Variants in KCNJ6 observed in about 807,000 individuals in gnomAD.
KCNJ6 encodes the protein potassium inwardly rectifying channel subfamily J member 6.
A neutral mutation model predicts 34.2 loss-of-function variants in KCNJ6; 9 were observed. That is an observed-to-expected ratio of 0.26 (90% CI 0.16 to 0.46). The LOEUF (loss-of-function observed/expected upper bound fraction) is 0.46. KCNJ6 is among the 20% of genes least tolerant of loss of function. KCNJ6 has a pLI of 1.00. For missense variants in KCNJ6, 236 were observed against 531.3 expected, an observed-to-expected ratio of 0.44 and a Z score of 5.46; for synonymous variants, 196 against 207.1, an observed-to-expected ratio of 0.95 and a Z score of 0.46.
chr21:37,709,078 T>G (rs1359096437), intron 3 of KCNJ6, among the ~76,000 whole-genome samples: 1 of 152,236 alleles, frequency 6.6e-6, no homozygotes, highest in East Asian at 1.9e-4. Context: ...TACATGGTTG[T>G]TTAAAATTCA....
intron 1 of KCNJ6, among the ~76,000 whole-genome samples, chr21:37,903,886 G>A (rs1272041752): frequency 1.3e-5 from 2 of 152,212 alleles, no homozygotes; most frequent in African/African-American, 4.8e-5. Flanking sequence ...TCTGTCTTTA[G>A]TGCTAACAGC....
chr21:37,913,228 C>A (rs563126561), intron 1 of KCNJ6, among the ~76,000 whole-genome samples: 1 of 152,338 alleles, frequency 6.6e-6, no homozygotes, highest in East Asian at 1.9e-4. Flanking sequence ...GATGGACTTA[C>A]CTGTTTTCCC....
At chr21:37,740,259 C>T (rs1045551412) in intron 2 of KCNJ6, among the ~76,000 whole-genome samples, 1 of 152,164 alleles carries the variant, frequency 6.6e-6, no homozygotes, top group African/African-American at 2.4e-5. Context: ...GGATTGGACA[C>T]GCCTTATTAT....
rs55953891 is a variant in KCNJ6, at chr21:37,667,154, T to TAAAAAAAAAAAA, written c.947-41682_947-41671dup. ...ACACCCAAGAATGAGCAATAAATACTAAAAAAAAAAAAAAAAAAAAAAAAA... is the reference window on the plus strand; with the variant it reads ...ACACCCAAGAATGAGCAATAAATACTAAAAAAAAAAAAAAAAAAAAAAAAAAAAAAAAAAAAA... On this transcript the variant is annotated intron_variant, in intron 3 of 3. Transcript: ENST00000609713. Among the ~76,000 whole-genome samples the TAAAAAAAAAAAA allele has an allele frequency of 4.1e-3, 162 of 39,080 alleles. 4 individuals carry two copies. The highest frequency in any genetic ancestry group is 6.0e-3 in the South Asian group (4 of 662). The allele number at this position is 39,080 out of a possible 152,430, so 25.6% of individuals were successfully genotyped here.
At chr21:37,797,609 T>G (rs2055249924) in intron 2 of KCNJ6, among the ~76,000 whole-genome samples, 1 of 152,180 alleles carries the variant, frequency 6.6e-6, no homozygotes, top group African/African-American at 2.4e-5. Flanking sequence ...GTTTGCATTT[T>G]TTTTTTTCTA....
At chr21:37,763,995 A>G (rs2055078717) in intron 2 of KCNJ6, among the ~76,000 whole-genome samples, 2 of 152,138 alleles carry the variant, frequency 1.3e-5, no homozygotes. Flanking sequence ...CTCATCTCAC[A>G]TATCTACATA....
intron 2 of KCNJ6, among the ~76,000 whole-genome samples, chr21:37,748,954 C>T (rs1353999685): frequency 1.3e-5 from 2 of 152,138 alleles, no homozygotes; most frequent in South Asian, 2.1e-4. Context: ...AGGTATAGAG[C>T]TATCAACCTG....
intron 2 of KCNJ6, among the ~76,000 whole-genome samples, chr21:37,719,760 T>C (rs1253772045): frequency 6.6e-6 from 1 of 152,168 alleles, no homozygotes; most frequent in Non-Finnish European, 1.5e-5. Context: ...TGAAATTTAA[T>C]CTGAAAGAAA....
chr21:37,666,595 T>C (rs1042472190), intron 3 of KCNJ6, among the ~76,000 whole-genome samples: 2 of 152,160 alleles, frequency 1.3e-5, no homozygotes, highest in Non-Finnish European at 2.9e-5. Context: ...GCCTGGCCAC[T>C]GTGCAATCTT....
rs1348605369 is a variant in KCNJ6 at position 37,754,783 on chromosome 21, T to C, written c.26-39652A>G. Among the ~76,000 whole-genome samples the C allele has an allele frequency of 5.3e-5, 8 of 152,316 alleles. No homozygotes were observed. The South Asian group carries it at 1.4e-3, about 28-fold the overall frequency. The stretch of plus-strand genomic sequence containing the variant: ...CGGTACATTTCCTGCCTAAGATATT[T>C]GTGATGGTGGAAGAAAGGCCTGGAT... On this transcript the variant is annotated intron_variant, in intron 2 of 3. Coordinates refer to ENST00000609713, the MANE Select transcript of KCNJ6 (RefSeq NM_002240.5).
intron 2 of KCNJ6, among the ~76,000 whole-genome samples, chr21:37,834,667 G>A (rs1428818054): frequency 2.0e-5 from 3 of 152,254 alleles, no homozygotes; most frequent in African/African-American, 7.2e-5. Flanking sequence ...CTAATTTAAT[G>A]TGTGGTGATT....
At chr21:37,723,134 CAAAAG>C (rs1244632165) in intron 2 of KCNJ6, among the ~76,000 whole-genome samples, 2 of 152,134 alleles carry the variant, frequency 1.3e-5, no homozygotes, top group Non-Finnish European at 2.9e-5. Flanking sequence ...ACAGACTTCT[CAAAAG>C]AAGACATACA....
chr21:37,719,849 C>T (rs2054815179), intron 2 of KCNJ6, among the ~76,000 whole-genome samples: 1 of 152,168 alleles, frequency 6.6e-6, no homozygotes, highest in Admixed American at 6.5e-5. Flanking sequence ...ATTTCAGGTA[C>T]AGCTCTTGTT....
intron 2 of KCNJ6, among the ~76,000 whole-genome samples, chr21:37,806,306 G>A (rs1185924489): frequency 6.6e-6 from 1 of 152,198 alleles, no homozygotes; most frequent in Non-Finnish European, 1.5e-5. Context: ...AAAGAGAAAT[G>A]AGCCTCTTCG....
In KCNJ6 at chr21:37,620,756, T is replaced by C. The variant is rs933432383; in HGVS notation, c.*4403A>G. The C allele has an allele frequency of 2.0e-5, 3 of 152,232 alleles. No homozygotes were observed. The highest frequency in any genetic ancestry group is 2.9e-5 in the Non-Finnish European group (2 of 68,040). 9.4% of individuals were successfully genotyped at this position (152,232 alleles called of 1,614,324 possible). ...AATTAGAATGAAATAAGATAATTTG[T>C]ACAAGTGCTCTTAATGCTCTCAAAC... On this transcript the variant is annotated 3_prime_UTR_variant, in exon 4 of 4. Coordinates refer to ENST00000609713, the MANE Select transcript of KCNJ6 (RefSeq NM_002240.5).
At position 37,760,089 on chromosome 21, in the gene KCNJ6, G is replaced by A. The variant is rs564832695; in HGVS notation, c.26-44958C>T. Reference sequence around the variant, plus strand: ...CTTTAGAAGTTGACTCAGCCCAGTCGAGCCTTCAGATAACTGCAGACCCAG... The same window carrying A: ...CTTTAGAAGTTGACTCAGCCCAGTCAAGCCTTCAGATAACTGCAGACCCAG... On this transcript the variant is annotated intron_variant, in intron 2 of 3. Coordinates refer to ENST00000609713, the MANE Select transcript of KCNJ6 (RefSeq NM_002240.5). 1.8e-3 allele frequency among the ~76,000 whole-genome samples: 271 copies of A among 152,278 alleles called. 2 individuals carry two copies. Among genetic ancestry groups the A allele is most frequent in the Non-Finnish European group, 3.4e-3 (228 of 68,016 alleles).
At chr21:37,895,451 T>C (rs1426429709) in intron 1 of KCNJ6, among the ~76,000 whole-genome samples, 1 of 152,204 alleles carries the variant, frequency 6.6e-6, no homozygotes. Flanking sequence ...TGGCTGAAGA[T>C]GACATCCTTG....
chr21:37,765,512 C>A (rs1453704781), intron 2 of KCNJ6, among the ~76,000 whole-genome samples: 1 of 152,184 alleles, frequency 6.6e-6, no homozygotes, highest in Non-Finnish European at 1.5e-5. Context: ...ATGCATATGG[C>A]AGCCCCCTTT....
At chr21:37,800,082 A>G (rs2055261976) in intron 2 of KCNJ6, among the ~76,000 whole-genome samples, 1 of 152,338 alleles carries the variant, frequency 6.6e-6, no homozygotes. Flanking sequence ...TTCCACAGCT[A>G]TAATTCTCAG....
Sources: allele counts gnomAD v4.1 joint callset (sites outside exome capture counted in the v4.1 genomes callset), GRCh38; gene constraint gnomAD v4.1.1; transcripts MANE v1.5; gene names NCBI Gene and HGNC (gene_info 2026-07-23, HGNC 2026-07-21).